Variants in MED13 observed in about 807,000 individuals in gnomAD.
The protein encoded by MED13 is mediator of RNA polymerase II transcription subunit 13.
A neutral mutation model predicts 225.2 loss-of-function variants in MED13; 23 were observed. The ratio of observed to expected loss-of-function variants is 0.10; its 90% CI spans 0.07 to 0.14. The LOEUF is 0.14. Ranked by LOEUF, MED13 falls within the 10% of genes least tolerant of loss-of-function variation. The pLI, the probability that MED13 is intolerant of heterozygous loss-of-function variation, is 1.00. For missense variants in MED13, 2,197 were observed against 2,594.5 expected (o/e 0.85, Z 3.33); for synonymous variants, 942 against 889.2 (o/e 1.06, Z -1.06).
At chr17:61,976,663 G>A (rs549271907) in intron 16 of MED13, among the ~76,000 whole-genome samples, 11 of 152,172 alleles carry the variant, frequency 7.2e-5, no homozygotes, top group Admixed American at 5.2e-4. Flanking sequence ...GGCTGGGTGC[G>A]GTGGCTCACA....
intron 9 of MED13, among the ~76,000 whole-genome samples, chr17:61,996,842 G>T (rs764559810): frequency 1.2e-4 from 19 of 152,138 alleles, no homozygotes; most frequent in Non-Finnish European, 2.5e-4. Flanking sequence ...AAGGACAGGG[G>T]TCTAACCTTT....
intron 26 of MED13, 116 bp downstream of exon 26, chr17:61,955,266 C>T (rs928106082): frequency 2.2e-5 from 19 of 855,066 alleles, no homozygotes; most frequent in Non-Finnish European, 3.2e-5. Flanking sequence ...TAACTTATCA[C>T]ATCTGCAAAA....
chr17:61,962,882 T>A lies in MED13; in HGVS notation c.4934A>T (p.Asp1645Val). 1 of 1,614,028 alleles carries A rather than the reference T, an allele frequency of 6.2e-7. No homozygotes were observed. Among genetic ancestry groups the A allele is most frequent in the Non-Finnish European group, 8.5e-7 (1 of 1,179,970 alleles). Residue 1645 changes from aspartate to valine, a missense_variant, in exon 21 of 30, where the codon GAT becomes GTT. This residue lies in a region of MED13 where 457 missense variants were observed against 442.2 expected (regional missense o/e 1.03). Coordinates refer to ENST00000397786, the MANE Select transcript of MED13 (RefSeq NM_005121.3). Reference sequence around the variant, plus strand: ...GTCTGTATTTTCGTATGTAAAAGGATCAATTATATAAACAACAATTGCAGG... The same window carrying A: ...GTCTGTATTTTCGTATGTAAAAGGAACAATTATATAAACAACAATTGCAGG... Reference protein sequence around the residue: ...YPPAIVVYIIDPFTYENTDES... With the variant: ...YPPAIVVYIIVPFTYENTDES...
At chr17:62,014,310 T>TA (rs1555638734) in intron 8 of MED13, among the ~76,000 whole-genome samples, 94 of 143,116 alleles carry the variant, frequency 6.6e-4, no homozygotes, top group East Asian at 4.1e-3. Flanking sequence ...GTATATGTTT[T>TA]TATATATATA....
In MED13 at chr17:62,010,630, T is replaced by C; in HGVS notation, c.1887A>G (p.Leu629=). The part of the protein sequence containing the change: ...KFPKKKDVEF[L]PPQLPSDKFK... Reference sequence around the variant, plus strand: ...ATTTATCACTTGGAAGTTGAGGTGGTAAAAACTCTACATCTTTTTTCTTTG... The same window carrying C: ...ATTTATCACTTGGAAGTTGAGGTGGCAAAAACTCTACATCTTTTTTCTTTG... Residue 629 remains leucine, a synonymous_variant, in exon 9 of 30, where the codon TTA becomes TTG. Coordinates refer to ENST00000397786, the MANE Select transcript of MED13 (RefSeq NM_005121.3). 1 of 1,495,912 alleles carries C rather than the reference T, an allele frequency of 6.7e-7. No homozygotes were observed. Among genetic ancestry groups the C allele is most frequent in the African/African-American group, 1.4e-5 (1 of 71,502 alleles). The allele number at this position is 1,495,912 out of a possible 1,614,324, so 92.7% of individuals were successfully genotyped here. A position where few individuals can be genotyped will look rare whatever the true frequency, so the allele number is the denominator to read the frequency against.
At chr17:62,044,020 T>C (rs1004506895) in intron 3 of MED13, among the ~76,000 whole-genome samples, 1 of 152,110 alleles carries the variant, frequency 6.6e-6, no homozygotes, top group African/African-American at 2.4e-5. Context: ...CTCTAGAAAT[T>C]TGCCTTTTCG....
rs1181578059 is a variant in MED13, at chr17:61,946,789, G to A, written c.6392+128C>T. ...GTAGATTACTCAAGTTAGAATAGCA[G>A]TGTTTATCTAGAGATCCACTGGTAC... On this transcript the variant is annotated intron_variant, in intron 29 of 29. Coordinates refer to ENST00000397786, the MANE Select transcript of MED13 (RefSeq NM_005121.3). 9.3e-6 allele frequency: 10 copies of A among 1,077,096 alleles called. No individual in the cohort carries two copies. The East Asian group carries it at 2.2e-4, about 23-fold the overall frequency. The allele number at this position is 1,077,096 out of a possible 1,614,324, so 66.7% of individuals were successfully genotyped here.
intron 3 of MED13, among the ~76,000 whole-genome samples, chr17:62,044,232 TAA>T (rs202062449): frequency 8.2e-5 from 12 of 146,704 alleles, no homozygotes; most frequent in East Asian, 5.9e-4. Context: ...TTTACTTCCT[TAA>T]AAAAAAAAAA....
At chr17:62,012,088 C>T (rs57137451) in intron 8 of MED13, among the ~76,000 whole-genome samples, 24,172 of 151,118 alleles carry the variant, frequency 0.16, 2,355 homozygotes, top group East Asian at 0.5. Context: ...TGGTGGCACG[C>T]GCCTGTAGTC....
chr17:61,997,389 C>T (rs998003057), intron 9 of MED13, among the ~76,000 whole-genome samples: 18 of 152,128 alleles, frequency 1.2e-4, no homozygotes, highest in Non-Finnish European at 1.6e-4. Context: ...TATAATTAAT[C>T]ATCAGGATAG....
At chr17:62,027,329 T>C (rs1394405059) in intron 8 of MED13, among the ~76,000 whole-genome samples, 1 of 152,120 alleles carries the variant, frequency 6.6e-6, no homozygotes, top group African/African-American at 2.4e-5. Context: ...AAACAAGCAA[T>C]GGGGAAAGGA....
intron 11 of MED13, among the ~76,000 whole-genome samples, chr17:61,991,569 C>T (rs1040039080): frequency 2.0e-5 from 3 of 152,070 alleles, no homozygotes; most frequent in African/African-American, 7.2e-5. Flanking sequence ...AGTACAGTGA[C>T]ATGATCTCGG....
chr17:61,947,138 G>T, intron 28 of MED13, 121 bp from the exon 29 acceptor site: 3 of 558,406 alleles, frequency 5.4e-6, no homozygotes, highest in Non-Finnish European at 6.2e-6. Flanking sequence ...CCTATGTTAT[G>T]AATGAAAGCC....
chr17:62,017,424 T>TA (rs2080593988), intron 8 of MED13, among the ~76,000 whole-genome samples: 1 of 152,016 alleles, frequency 6.6e-6, no homozygotes, highest in Admixed American at 6.6e-5. Flanking sequence ...AAAAAGAATA[T>TA]AAAAAGGAAA....
chr17:62,045,702 T>A (rs1383622744), intron 3 of MED13, among the ~76,000 whole-genome samples: 4 of 152,126 alleles, frequency 2.6e-5, no homozygotes, highest in Admixed American at 1.3e-4. Context: ...TGTGATCCAG[T>A]CCCCAGCAAT....
chr17:61,970,705 G>T (rs1263012050), intron 17 of MED13, among the ~76,000 whole-genome samples: 1 of 135,582 alleles, frequency 7.4e-6, no homozygotes, highest in Non-Finnish European at 1.6e-5. Flanking sequence ...AAAAAAAAAG[G>T]CATTACAGAT....
intron 3 of MED13, among the ~76,000 whole-genome samples, chr17:62,041,580 T>C (rs2080852946): frequency 6.7e-6 from 1 of 150,074 alleles, no homozygotes. Context: ...GTAGTCATCT[T>C]TTTTTTTTTC....
chr17:62,026,289 C>T (rs1324619524), intron 8 of MED13, among the ~76,000 whole-genome samples: 2 of 152,112 alleles, frequency 1.3e-5, no homozygotes, highest in African/African-American at 4.8e-5. Context: ...TATTCTTCTA[C>T]CAATCATTCA....
At position 61,947,034 on chromosome 17, in the gene MED13, T is replaced by C. The variant is rs566393078; in HGVS notation, c.6292-17A>G. On this transcript the variant is annotated splice_polypyrimidine_tract_variant and intron_variant, in intron 28 of 29. Transcript: ENST00000397786. The stretch of plus-strand genomic sequence containing the variant: ...CAAAGAGGCCTAAGAAGGTAACAGG[T>C]AATCAATCAGTCAGCCAAACAGAAA... 1 of 1,573,340 alleles carries C rather than the reference T, an allele frequency of 6.4e-7. No individual in the cohort carries two copies. Among genetic ancestry groups the C allele is most frequent in the South Asian group, 1.1e-5 (1 of 89,982 alleles).
Sources: allele counts gnomAD v4.1 joint callset (sites outside exome capture counted in the v4.1 genomes callset), GRCh38; gene constraint gnomAD v4.1.1; regional missense constraint gnomAD v4.1.1; transcripts MANE v1.5; gene names NCBI Gene and HGNC (gene_info 2026-07-23, HGNC 2026-07-21).